Variants in MAST4 observed in about 807,000 individuals in gnomAD.
The protein encoded by MAST4 is microtubule-associated serine/threonine-protein kinase 4.
Under a neutral mutation model 162.7 loss-of-function variants are expected in MAST4, and 89 were observed. The observed-to-expected ratio is 0.55, with a 90% CI of 0.46 to 0.65. The LOEUF (loss-of-function observed/expected upper bound fraction) is 0.65, where lower values mean the gene tolerates loss of function less well. Among genes scored for constraint, MAST4 ranks in the 30% least tolerant of loss-of-function variants. MAST4 has a pLI of 0.00. For synonymous variants in MAST4, 1,479 were observed against 1,361.1 expected (o/e 1.09, Z -1.91); for missense variants, 3,153 against 3,374.0 (o/e 0.93, Z 1.62).
At chr5:67,151,149 C>T (rs747749041) in intron 24 of MAST4, among the ~76,000 whole-genome samples, 3 of 152,146 alleles carry the variant, frequency 2.0e-5, no homozygotes, top group South Asian at 2.1e-4. Flanking sequence ...TTTAGATTCA[C>T]GTAGATGAAA....
At chr5:66,745,824 C>T (rs923767944) in intron 1 of MAST4, among the ~76,000 whole-genome samples, 10 of 152,144 alleles carry the variant, frequency 6.6e-5, no homozygotes, top group African/African-American at 2.2e-4. Context: ...TAACCTTTAG[C>T]GCAATGTCTA....
intron 1 of MAST4, among the ~76,000 whole-genome samples, chr5:66,706,438 G>A (rs1406380685): frequency 6.6e-6 from 1 of 151,996 alleles, no homozygotes; most frequent in Admixed American, 6.6e-5. Context: ...ATGAGAAGAA[G>A]AGGCAGTATT....
chr5:66,661,569 A>C (rs1746912452), intron 1 of MAST4, among the ~76,000 whole-genome samples: 1 of 152,130 alleles, frequency 6.6e-6, no homozygotes, highest in African/African-American at 2.4e-5. Context: ...GAAAAGGAGG[A>C]TATTTGGTGA....
chr5:67,100,577 G>C lies in MAST4; in HGVS notation c.1055G>C (p.Arg352Pro). 6.2e-7 allele frequency: 1 copy of C among 1,613,736 alleles called. No homozygotes were observed. The highest frequency in any genetic ancestry group is 8.5e-7 in the Non-Finnish European group (1 of 1,179,772). Residue 352 changes from arginine to proline, a missense_variant, in exon 8 of 29, where the codon CGT becomes CCT. Physicochemically the swap from Arg to Pro is moderately radical, Grantham distance 103. Around this residue, in one of 7 missense-constraint regions of MAST4, gnomAD observed 360 missense variants for 450.0 expected, o/e 0.80. Coordinates refer to ENST00000403625, the MANE Select transcript of MAST4 (RefSeq NM_001164664.2). ...TGCAGGAACACGCCGATGCGCCCCC[G>C]TTCCCGAAGTCTGAGGTGTGTGGGC... ...NRCRNTPMRP[R>P]SRSLSPGRSP...
At chr5:66,600,585 C>G (rs946125842) in intron 1 of MAST4, among the ~76,000 whole-genome samples, 3 of 152,208 alleles carry the variant, frequency 2.0e-5, no homozygotes, top group African/African-American at 7.2e-5. Flanking sequence ...GAAAAAATGG[C>G]ATCTATGAAA....
At position 67,134,620 on chromosome 5, in the gene MAST4, A is replaced by G; in HGVS notation, c.2324A>G (p.Glu775Gly). The change falls in exon 18 of 29, where the codon GAA (glutamate) becomes GGA (glycine). Residue 775 changes from glutamate (E) to glycine (G), a missense_variant. Coordinates refer to ENST00000403625, the MANE Select transcript of MAST4 (RefSeq NM_001164664.2). Reference protein sequence around the residue: ...DWWAMGIILYEFLVGCVPFFG... With the variant: ...DWWAMGIILYGFLVGCVPFFG... Reference sequence around the variant, plus strand: ...TGGGCCATGGGGATTATCCTCTATGAATTTCTGGTTGGATGCGTGCCATTC... The same window carrying G: ...TGGGCCATGGGGATTATCCTCTATGGATTTCTGGTTGGATGCGTGCCATTC... 6.2e-7 allele frequency: 1 copy of G among 1,613,710 alleles called. No homozygotes were observed. Among genetic ancestry groups the G allele is most frequent in the Non-Finnish European group, 8.5e-7 (1 of 1,179,708 alleles).
chr5:67,057,374 G>A (rs1395797350), intron 5 of MAST4, among the ~76,000 whole-genome samples: 2 of 152,022 alleles, frequency 1.3e-5, no homozygotes, highest in African/African-American at 4.8e-5. Flanking sequence ...TTTCTTAGGT[G>A]GGGATTACAT....
rs78668198 is a variant in MAST4 at position 66,758,774 on chromosome 5, G to A, written c.364-935G>A. Among the ~76,000 whole-genome samples the A allele has an allele frequency of 1.0e-2, 1,521 of 152,218 alleles. 32 individuals carry two copies. Among genetic ancestry groups the A allele is most frequent in the African/African-American group, 0.034 (1,411 of 41,548 alleles). ...CAGTGAAGCGGCTCTTAAAATGCCC[G>A]GCTTTGAATAATGTTACTTGACTCT... On this transcript the variant is annotated intron_variant, in intron 1 of 28. Transcript: ENST00000403625.
rs976306591 is a variant in MAST4, at chr5:67,042,313, C to G, written c.675-12091C>G. Among the ~76,000 whole-genome samples the G allele has an allele frequency of 2.2e-4, 34 of 152,216 alleles. 1 individual carries two copies. Among genetic ancestry groups the G allele is most frequent in the Non-Finnish European group, 7.3e-5 (5 of 68,038 alleles). On this transcript the variant is annotated intron_variant, in intron 4 of 28. Transcript: ENST00000403625. ...ACAAATAACAACAGCAAGGAACACTCATTACCCAGACTGAATACTGAGCAT... is the reference window on the plus strand; with the variant it reads ...ACAAATAACAACAGCAAGGAACACTGATTACCCAGACTGAATACTGAGCAT...
At chr5:66,630,994 T>C (rs1398511427) in intron 1 of MAST4, among the ~76,000 whole-genome samples, 1 of 152,228 alleles carries the variant, frequency 6.6e-6, no homozygotes, top group Middle Eastern at 3.2e-3. Flanking sequence ...TTATTTTTAT[T>C]TGTATTTTTT....
At position 66,596,758 on chromosome 5, in the gene MAST4, G is replaced by T; in HGVS notation, c.103G>T (p.Gly35Cys). Residue 35 changes from glycine (G) to cysteine (C), a missense_variant, in exon 1 of 29, where the codon GGT becomes TGT. By Grantham distance (159) the Gly-to-Cys change is radical (BLOSUM62 -3). Around this residue, in one of 7 missense-constraint regions of MAST4, gnomAD observed 327 missense variants for 336.5 expected, o/e 0.97. Coordinates refer to ENST00000403625, the MANE Select transcript of MAST4 (RefSeq NM_001164664.2). ...TGCGCTGGTCGCCGCGTCCTCTCCG[G>T]GTGCTTCCTCGGCCGAGTCCTCCTC... is the stretch of plus-strand genomic sequence containing the variant. ...ASALVAASSP[G>C]ASSAESSSGS... 1 of 1,401,308 alleles carries T rather than the reference G, an allele frequency of 7.1e-7. No homozygotes were observed. The highest frequency in any genetic ancestry group is 9.3e-7 in the Non-Finnish European group (1 of 1,075,752). The allele number at this position is 1,401,308 out of a possible 1,614,324, so 86.8% of individuals were successfully genotyped here. A position where few individuals can be genotyped will look rare whatever the true frequency, so the allele number is the denominator to read the frequency against.
At chr5:66,686,426 C>A (rs1045577522) in intron 1 of MAST4, among the ~76,000 whole-genome samples, 2 of 152,134 alleles carry the variant, frequency 1.3e-5, no homozygotes, top group African/African-American at 4.8e-5. Context: ...AGAGTCCTAA[C>A]AAATTTGCTA....
chr5:66,996,284 A>AT (rs1750641791), intron 4 of MAST4, among the ~76,000 whole-genome samples: 1 of 149,370 alleles, frequency 6.7e-6, no homozygotes, highest in Non-Finnish European at 1.5e-5. Flanking sequence ...CATCTCAAAA[A>AT]AATATATATA....
intron 3 of MAST4, among the ~76,000 whole-genome samples, chr5:66,844,728 A>T (rs1333230202): frequency 6.6e-6 from 1 of 152,082 alleles, no homozygotes. Context: ...CAAGAAAGGG[A>T]TAAGTAGATG....
In MAST4 at chr5:66,651,455, T is replaced by C. The variant is rs564176121; in HGVS notation, c.363+54437T>C. ...GTCTTAAGTAGCATTGATATCTTCA[T>C]AAAATTTGTCAAAATTCCTTTTTTG... On this transcript the variant is annotated intron_variant, in intron 1 of 28. Transcript: ENST00000403625. Among the ~76,000 whole-genome samples the C allele has an allele frequency of 1.1e-4, 17 of 152,264 alleles. No homozygotes were observed. The South Asian group carries it at 3.5e-3, about 32-fold the overall frequency.
intron 3 of MAST4, among the ~76,000 whole-genome samples, chr5:66,802,957 T>C (rs1013796984): frequency 6.6e-6 from 1 of 152,162 alleles, no homozygotes; most frequent in African/African-American, 2.4e-5. Context: ...TTTGCTTTAT[T>C]AACTGTTCTT....
chr5:66,665,277 G>A (rs576651198), intron 1 of MAST4, among the ~76,000 whole-genome samples: 1 of 152,272 alleles, frequency 6.6e-6, no homozygotes, highest in African/African-American at 2.4e-5. Context: ...TGATCTAGGA[G>A]GGAGACCAGT....
chr5:67,078,657 T>C (rs1046092645), intron 5 of MAST4, among the ~76,000 whole-genome samples: 4 of 126,804 alleles, frequency 3.2e-5, no homozygotes, highest in African/African-American at 1.4e-4. Context: ...TTTATATATA[T>C]TTATTTTATA....
At chr5:66,675,107 G>A (rs1747861780) in intron 1 of MAST4, among the ~76,000 whole-genome samples, 1 of 152,190 alleles carries the variant, frequency 6.6e-6, no homozygotes. Context: ...CTCGCCTTCT[G>A]TGCCATGCAC....
Sources: allele counts gnomAD v4.1 joint callset (sites outside exome capture counted in the v4.1 genomes callset), GRCh38; gene constraint gnomAD v4.1.1; regional missense constraint gnomAD v4.1.1; transcripts MANE v1.5; gene names NCBI Gene and HGNC (gene_info 2026-07-23, HGNC 2026-07-21).